Variants in TENM1 observed in about 807,000 individuals in gnomAD.
The protein encoded by TENM1 is teneurin-1.
Under a neutral mutation model 174.8 loss-of-function variants are expected in TENM1, and 35 were observed. That is an observed-to-expected ratio of 0.20 (90% CI 0.15 to 0.27). TENM1 has a LOEUF of 0.27. Ranked by LOEUF, TENM1 falls within the 10% of genes least tolerant of loss-of-function variation. The pLI is 1.00. For synonymous variants in TENM1, 781 were observed against 798.7 expected, an observed-to-expected ratio of 0.98 and a Z score of 0.37; for missense variants, 1,633 against 2,130.1, an observed-to-expected ratio of 0.77 and a Z score of 4.59.
chrX:124,693,756 G>GT lies in TENM1; in HGVS notation c.1015+11256dup, dbSNP rs1398013788. ...TCTGCTTTGGGGTTGGCTATTAGAA[G>GT]TTTTTTTTTTAATCAAATGAAATGA... On this transcript the variant is annotated intron_variant, in intron 5 of 31. Coordinates refer to ENST00000422452, the Ensembl canonical transcript of TENM1. 1.2e-3 allele frequency among the ~76,000 whole-genome samples: 130 copies of GT among 105,988 alleles called. 1 individual carries two copies. Among genetic ancestry groups the GT allele is most frequent in the Middle Eastern group, 4.9e-3 (1 of 203 alleles). The allele number at this position is 105,988 out of a possible 115,157, so 92.0% of individuals were successfully genotyped here.
intron 18 of TENM1, among the ~76,000 whole-genome samples, chrX:124,519,458 A>C (rs187141906): frequency 2.7e-5 from 3 of 110,711 alleles, no homozygotes. Flanking sequence ...ACTATAGTCT[A>C]AGAAATATAG....
chrX:124,797,687 T>C (rs560726808), intron 3 of TENM1, among the ~76,000 whole-genome samples: 115 of 110,984 alleles, frequency 1.0e-3, no homozygotes, highest in African/African-American at 3.5e-3. Context: ...GGTTTTTTTT[T>C]TTTTTAATTT....
intron 11 of TENM1, among the ~76,000 whole-genome samples, chrX:124,639,059 G>A (rs1479817338): frequency 9.0e-6 from 1 of 111,405 alleles, no homozygotes; most frequent in Non-Finnish European, 1.9e-5. Flanking sequence ...GCTACAATTG[G>A]TCTTCTCAAT....
intron 3 of TENM1, among the ~76,000 whole-genome samples, chrX:124,874,159 T>A (rs2057157673): frequency 8.9e-6 from 1 of 111,863 alleles, no homozygotes; most frequent in African/African-American, 3.2e-5. Context: ...AACTGCTGGA[T>A]CAAAGAAGAT....
At chrX:124,977,965 TGTGAGAGAGAGAGAGAGAGAGA>T in the TENM1 span, among the ~76,000 whole-genome samples, 50 of 14,635 alleles carry the variant, frequency 3.4e-3, no homozygotes, top group Middle Eastern at 0.048. Flanking sequence ...TGTGTGTGTG[TGTGAGAGAGAGAGAGAGAGAGA>T]GAGAGAGAGA....
chrX:124,863,119 C>A (rs900843602), intron 3 of TENM1, among the ~76,000 whole-genome samples: 4 of 109,355 alleles, frequency 3.7e-5, no homozygotes, highest in Non-Finnish European at 5.7e-5. Context: ...AAATAAACAG[C>A]AATGATACCC....
chrX:125,044,827 A>C, the TENM1 span, among the ~76,000 whole-genome samples: 26 of 111,523 alleles, frequency 2.3e-4, no homozygotes, highest in South Asian at 9.8e-3. Context: ...AAAAATTTCA[A>C]ATTTGTTAGA....
At chrX:124,586,985 C>T (rs1434131943) in intron 11 of TENM1, among the ~76,000 whole-genome samples, 65 of 110,687 alleles carry the variant, frequency 5.9e-4, no homozygotes, top group African/African-American at 2.1e-3. Context: ...CTACAAAGGA[C>T]GTGAAGGACC....
chrX:124,666,857 A>C (rs1381153586), intron 6 of TENM1, among the ~76,000 whole-genome samples: 1 of 85,790 alleles, frequency 1.2e-5, no homozygotes, highest in Non-Finnish European at 2.3e-5. Flanking sequence ...CATGTAACCC[A>C]TCTACCCCTT....
At chrX:124,943,076 T>A (rs754657261) in intron 1 of TENM1, among the ~76,000 whole-genome samples, 1 of 111,758 alleles carries the variant, frequency 8.9e-6, no homozygotes, top group Admixed American at 9.5e-5. Context: ...CATTTCAAAT[T>A]ATTTTTAGGT....
the TENM1 span, among the ~76,000 whole-genome samples, chrX:125,016,930 C>A: frequency 9.0e-6 from 1 of 111,635 alleles, no homozygotes; most frequent in South Asian, 3.8e-4. Context: ...ACAATCTGAT[C>A]TTTGACAGAC....
chrX:125,027,383 A>G, the TENM1 span, among the ~76,000 whole-genome samples: 3 of 111,828 alleles, frequency 2.7e-5, no homozygotes, highest in Non-Finnish European at 5.6e-5. Flanking sequence ...TTATGGAGTG[A>G]GCAAAAGTTA....
At chrX:125,186,030 CCT>C in the TENM1 span, among the ~76,000 whole-genome samples, 1 of 110,949 alleles carries the variant, frequency 9.0e-6, no homozygotes, top group Admixed American at 9.6e-5. Flanking sequence ...TATTCAATTT[CCT>C]TTTTTTTTCA....
chrX:124,926,255 C>G (rs1475318882), intron 1 of TENM1, among the ~76,000 whole-genome samples: 1 of 111,965 alleles, frequency 8.9e-6, no homozygotes, highest in Non-Finnish European at 1.9e-5. Flanking sequence ...GTCACATAAC[C>G]ACTAGGTAAT....
intron 20 of TENM1, among the ~76,000 whole-genome samples, chrX:124,487,899 A>G (rs1377065601): frequency 8.9e-6 from 1 of 112,138 alleles, no homozygotes; most frequent in African/African-American, 3.2e-5. Context: ...AACAAGTTGA[A>G]AGTGTAAGAG....
intron 5 of TENM1, among the ~76,000 whole-genome samples, chrX:124,682,169 C>A (rs1347813236): frequency 9.0e-6 from 1 of 111,668 alleles, no homozygotes; most frequent in Non-Finnish European, 1.9e-5. Flanking sequence ...CCCAAAGCTG[C>A]AAATTTCTTT....
chrX:124,733,400 G>C (rs1036509175), intron 4 of TENM1, among the ~76,000 whole-genome samples: 1 of 112,315 alleles, frequency 8.9e-6, no homozygotes, highest in Non-Finnish European at 1.9e-5. Context: ...ACTTAGTAGG[G>C]ATAGTAATGT....
chrX:124,383,957 T>C, exon 30 of TENM1: 2 of 1,211,132 alleles, frequency 1.7e-6, no homozygotes, highest in Non-Finnish European at 2.2e-6. Flanking sequence ...ACCTGTATTA[T>C]CACAGGCTAC....
chrX:124,753,177 G>A (rs1322304998), intron 3 of TENM1, among the ~76,000 whole-genome samples: 1 of 109,905 alleles, frequency 9.1e-6, no homozygotes, highest in East Asian at 2.9e-4. Flanking sequence ...GCAGTGGTTT[G>A]TAGTTCTCCT....
Sources: gnomAD v4.1 joint callset for allele counts (sites outside exome capture counted in the v4.1 genomes callset) on GRCh38, gnomAD v4.1.1 for gene constraint, MANE v1.5 for transcripts, NCBI Gene and HGNC (gene_info 2026-07-23, HGNC 2026-07-21) for gene names.